The following UTRN variants were observed in gnomAD, a reference collection of about 807,000 sequenced individuals.
The protein encoded by UTRN is utrophin.
UTRN carries 283 observed loss-of-function variants against 463.9 expected under a neutral mutation model. The ratio of observed to expected loss-of-function variants is 0.61; its 90% CI spans 0.55 to 0.67. UTRN has a LOEUF of 0.67. UTRN is among the 30% of genes least tolerant of loss of function. UTRN has a pLI of 0.00. For missense variants in UTRN, 3,922 were observed against 4,084.3 expected, an observed-to-expected ratio of 0.96 and a Z score of 1.08; for synonymous variants, 1,442 against 1,431.5, an observed-to-expected ratio of 1.01 and a Z score of -0.17.
Position 144,762,529 on chromosome 6 carries a change from T to C in UTRN, c.8495+4540T>C, listed in dbSNP as rs987440278. 3.9e-5 allele frequency among the ~76,000 whole-genome samples: 6 copies of C among 152,324 alleles called. No individual in the cohort carries two copies. The East Asian group carries it at 1.2e-3, about 29-fold the overall frequency. ...CACTGCCGTTGTATAGGCTTTTCCA[T>C]AGGCTAATTTCTACAGGAGGATCTA... is the stretch of plus-strand genomic sequence containing the variant. On this transcript the variant is annotated intron_variant, in intron 58 of 74. Coordinates refer to ENST00000367545, the MANE Select transcript of UTRN (RefSeq NM_007124.3).
At chr6:144,659,454 A>G (rs937854864) in intron 51 of UTRN, among the ~76,000 whole-genome samples, 13 of 152,180 alleles carry the variant, frequency 8.5e-5, no homozygotes, top group African/African-American at 3.1e-4. Context: ...TTGCTGCGAG[A>G]GCTTTTCTCT....
chr6:144,592,493 C>T (rs1413196917), intron 51 of UTRN, among the ~76,000 whole-genome samples: 1 of 152,118 alleles, frequency 6.6e-6, no homozygotes, highest in South Asian at 2.1e-4. Context: ...GCCTCAGTCT[C>T]CCAAGTAGCT....
At chr6:144,809,005 T>G (rs1298916314) in intron 65 of UTRN, among the ~76,000 whole-genome samples, 1 of 152,128 alleles carries the variant, frequency 6.6e-6, no homozygotes, top group Non-Finnish European at 1.5e-5. Flanking sequence ...ATGATTTTAT[T>G]TTCTTTGGAT....
intron 26 of UTRN, 79 bp from the exon 27 acceptor site, chr6:144,482,130 G>A: frequency 7.9e-7 from 1 of 1,271,986 alleles, no homozygotes; most frequent in Non-Finnish European, 1.0e-6. Flanking sequence ...TTTAATTCTT[G>A]AAAAAAAAAG....
chr6:144,475,397 T>G (rs1360611008), intron 25 of UTRN, among the ~76,000 whole-genome samples: 1 of 152,148 alleles, frequency 6.6e-6, no homozygotes, highest in South Asian at 2.1e-4. Flanking sequence ...TAATAAAGAA[T>G]GAAGGCAGTG....
intron 39 of UTRN, among the ~76,000 whole-genome samples, chr6:144,519,438 C>A (rs1795894682): frequency 6.6e-6 from 1 of 152,094 alleles, no homozygotes; most frequent in Non-Finnish European, 1.5e-5. Flanking sequence ...TTAAAAATCT[C>A]TTTAATCTTT....
chr6:144,499,509 T>A lies in UTRN; in HGVS notation c.4764+82T>A, dbSNP rs1164145343. The A allele has an allele frequency of 3.3e-6, 4 of 1,229,614 alleles. No individual in the cohort carries two copies. The East Asian group carries it at 1.0e-4, about 32-fold the overall frequency. The allele number at this position is 1,229,614 out of a possible 1,614,324, so 76.2% of individuals were successfully genotyped here. Reference sequence around the variant, plus strand: ...TCGGGCGACCTGGTTGGATACCATGTCCCTCCATTTTATATTAAATCTAGC... The same window carrying A: ...TCGGGCGACCTGGTTGGATACCATGACCCTCCATTTTATATTAAATCTAGC... On this transcript the variant is annotated intron_variant, in intron 34 of 74. Coordinates refer to ENST00000367545, the MANE Select transcript of UTRN (RefSeq NM_007124.3).
At chr6:144,551,702 G>A (rs978306194) in intron 48 of UTRN, among the ~76,000 whole-genome samples, 5 of 152,168 alleles carry the variant, frequency 3.3e-5, no homozygotes, top group African/African-American at 9.7e-5. Context: ...AATAGCAAAC[G>A]AAGTCTAAAT....
chr6:144,479,434 T>G (rs1791619054), intron 25 of UTRN, among the ~76,000 whole-genome samples: 1 of 152,220 alleles, frequency 6.6e-6, no homozygotes, highest in African/African-American at 2.4e-5. Context: ...CTAGATTTTT[T>G]GTTTTTGCTT....
chr6:144,495,747 A>G lies in UTRN; in HGVS notation c.4593+2291A>G, dbSNP rs144828004. ...AATACAAGGGAAAAAATAAATGTTA[A>G]TAATTCCAAATTTCAATGGATAGCA... On this transcript the variant is annotated intron_variant, in intron 33 of 74. Coordinates refer to ENST00000367545, the MANE Select transcript of UTRN (RefSeq NM_007124.3). Among the ~76,000 whole-genome samples, 25 of 152,362 alleles carry G rather than the reference A, an allele frequency of 1.6e-4. No homozygotes were observed. The East Asian group carries it at 4.8e-3, about 29-fold the overall frequency.
chr6:144,621,244 G>T (rs1029439404), intron 51 of UTRN, among the ~76,000 whole-genome samples: 12 of 152,170 alleles, frequency 7.9e-5, no homozygotes, highest in African/African-American at 2.9e-4. Context: ...AGCAATTTCA[G>T]TGAGTTATAA....
At chr6:144,555,841 C>G (rs1799332415) in intron 49 of UTRN, among the ~76,000 whole-genome samples, 1 of 152,158 alleles carries the variant, frequency 6.6e-6, no homozygotes, top group Admixed American at 6.5e-5. Flanking sequence ...CAAATCCAAA[C>G]CATATTACTT....
At chr6:144,726,304 T>G (rs1028891468) in intron 53 of UTRN, among the ~76,000 whole-genome samples, 1 of 152,196 alleles carries the variant, frequency 6.6e-6, no homozygotes, top group Non-Finnish European at 1.5e-5. Flanking sequence ...TACCGCTCTC[T>G]GAGTACTGAA....
At chr6:144,706,048 A>G (rs1401236478) in intron 53 of UTRN, among the ~76,000 whole-genome samples, 1 of 152,050 alleles carries the variant, frequency 6.6e-6, no homozygotes, top group Non-Finnish European at 1.5e-5. Context: ...ATTATCGAAT[A>G]GTCTAAGCAT....
At chr6:144,803,420 C>T (rs897145822) in intron 65 of UTRN, among the ~76,000 whole-genome samples, 26 of 151,710 alleles carry the variant, frequency 1.7e-4, no homozygotes, top group Admixed American at 1.2e-3. Context: ...TACTATGTAA[C>T]GAAAAATCAT....
chr6:144,722,348 C>T (rs989520350), intron 53 of UTRN, among the ~76,000 whole-genome samples: 5 of 151,458 alleles, frequency 3.3e-5, no homozygotes, highest in Admixed American at 6.6e-5. Flanking sequence ...CGCTGTCTTT[C>T]AGATGCCTTC....
rs184971813 is a variant in UTRN at position 144,423,426 on chromosome 6, G to T, written c.235-123G>T. The T allele has an allele frequency of 5.5e-5, 51 of 921,614 alleles. 1 individual carries two copies. The Middle Eastern group carries it at 3.6e-3, about 65-fold the overall frequency. The allele number at this position is 921,614 out of a possible 1,614,324, so 57.1% of individuals were successfully genotyped here. ...GGGTGGTAACCTGAGACCTCAGCCAGATCTCCTGCCTCTGAGGGGCCCTGT... is the reference window on the plus strand; with the variant it reads ...GGGTGGTAACCTGAGACCTCAGCCATATCTCCTGCCTCTGAGGGGCCCTGT... On this transcript the variant is annotated intron_variant, in intron 4 of 74. Transcript: ENST00000367545.
rs1356610439 is a variant in UTRN at position 144,654,783 on chromosome 6, AT to A, written c.7480-23618del. On this transcript the variant is annotated intron_variant, in intron 51 of 74. Coordinates refer to ENST00000367545, the MANE Select transcript of UTRN (RefSeq NM_007124.3). ...GGAAGCATTAACTTGTCTTGGCATT[AT>A]TTTTAGTCACCTAATAAAGTGCCGT... 3.9e-5 allele frequency among the ~76,000 whole-genome samples: 6 copies of A among 152,282 alleles called. No individual in the cohort carries two copies. In the East Asian group the frequency reaches 7.7e-4, roughly 20 times the overall value.
At chr6:144,622,186 T>G (rs1003288848) in intron 51 of UTRN, among the ~76,000 whole-genome samples, 1 of 124,536 alleles carries the variant, frequency 8.0e-6, no homozygotes, top group Non-Finnish European at 1.6e-5. Flanking sequence ...TTTTTGTTGT[T>G]TTTTTTTTTT....
Sources: gnomAD v4.1 joint callset for allele counts (sites outside exome capture counted in the v4.1 genomes callset) on GRCh38, gnomAD v4.1.1 for gene constraint, MANE v1.5 for transcripts, NCBI Gene and HGNC (gene_info 2026-07-23, HGNC 2026-07-21) for gene names.